The following G3BP2 variants were observed in gnomAD, a reference collection of about 807,000 sequenced individuals.
The protein encoded by G3BP2 is ras GTPase-activating protein-binding protein 2.
A neutral mutation model predicts 56.7 loss-of-function variants in G3BP2; 11 were observed. That is an observed-to-expected ratio of 0.19 (90% CI 0.12 to 0.32). The LOEUF (loss-of-function observed/expected upper bound fraction) is 0.32. Ranked by LOEUF, G3BP2 falls within the 10% of genes least tolerant of loss-of-function variation. G3BP2 has a pLI of 1.00. For synonymous variants in G3BP2, 165 were observed against 191.6 expected (o/e 0.86, Z 1.15); for missense variants, 340 against 610.9 (o/e 0.56, Z 4.67).
intron 1 of G3BP2, among the ~76,000 whole-genome samples, chr4:75,663,476 A>G (rs1383880514): frequency 6.6e-6 from 1 of 152,172 alleles, no homozygotes; most frequent in Non-Finnish European, 1.5e-5. Flanking sequence ...AGGTCTGGCT[A>G]CAATGCCCTG....
At chr4:75,690,745 G>T (rs1257011758) in intron 3 of G3BP2, among the ~76,000 whole-genome samples, 5 of 152,066 alleles carry the variant, frequency 3.3e-5, no homozygotes, top group Non-Finnish European at 7.4e-5. Flanking sequence ...CAAATTTTTT[G>T]TAGAGACAGG....
intron 1 of G3BP2, among the ~76,000 whole-genome samples, chr4:75,723,345 C>A (rs1355484819): frequency 6.6e-6 from 1 of 152,134 alleles, no homozygotes; most frequent in African/African-American, 2.4e-5. Flanking sequence ...TGTTGTTAGT[C>A]TCACCCAAGG....
chr4:75,675,542 C>T (rs188199626), upstream of G3BP2, among the ~76,000 whole-genome samples: 1,354 of 152,268 alleles, frequency 8.9e-3, 21 homozygotes, highest in African/African-American at 0.031. Flanking sequence ...ACTGTAATCC[C>T]AGCACTTTGG....
In G3BP2 at chr4:75,718,694, T is replaced by A. The variant is rs1720024752; in HGVS notation, c.-25+2183A>T. Among the ~76,000 whole-genome samples, 12 of 152,236 alleles carry A rather than the reference T, an allele frequency of 7.9e-5. No homozygotes were observed. In the South Asian group the frequency reaches 2.3e-3, roughly 29 times the overall value. On this transcript the variant is annotated intron_variant, in intron 3 of 3. Transcript: ENST00000499709. ...ATGTGACTCAAGGCCAATCAGAACA[T>A]CTCAAACCTTAAACTACAGGAATTA...
intron 3 of G3BP2, among the ~76,000 whole-genome samples, chr4:75,683,714 G>C (rs1718447261): frequency 6.6e-6 from 1 of 152,174 alleles, no homozygotes. Flanking sequence ...GGCTGTGGAA[G>C]TAAATTACCT....
intron 8 of G3BP2, among the ~76,000 whole-genome samples, chr4:75,650,149 C>G (rs1731560228): frequency 6.6e-6 from 1 of 151,796 alleles, no homozygotes; most frequent in African/African-American, 2.4e-5. Flanking sequence ...AAAATGCTTC[C>G]TTCAGCCAGG....
rs748788122 is a variant in G3BP2, at chr4:75,655,119, A to T, written c.673T>A (p.Ser225Thr). The change falls in exon 7 of 12, where the codon TCT (serine) becomes ACT (threonine). Residue 225 changes from serine (S) to threonine (T), a missense_variant. Coordinates refer to ENST00000359707, the MANE Select transcript of G3BP2 (RefSeq NM_203505.3). Reference sequence around the variant, plus strand: ...GGTTCTGCCGGAGGAGGAGTAGTAGATTTCTCCTCTAGTTCTTCTAAGTTC... The same window carrying T: ...GGTTCTGCCGGAGGAGGAGTAGTAGTTTTCTCCTCTAGTTCTTCTAAGTTC... ...EKNLEELEEK[S>T]TTPPPAEPVS... 6.2e-7 allele frequency: 1 copy of T among 1,613,506 alleles called. No individual in the cohort carries two copies. Among genetic ancestry groups the T allele is most frequent in the East Asian group, 2.2e-5 (1 of 44,852 alleles).
At chr4:75,719,205 G>A (rs1419048409) in intron 3 of G3BP2, among the ~76,000 whole-genome samples, 4 of 151,326 alleles carry the variant, frequency 2.6e-5, no homozygotes, top group African/African-American at 7.3e-5. Context: ...AAAATTAGCC[G>A]GGCTTAGTGG....
intron 3 of G3BP2, among the ~76,000 whole-genome samples, chr4:75,719,560 A>T (rs16996019): frequency 0.35 from 53,310 of 151,734 alleles, 11,152 homozygotes; most frequent in African/African-American, 0.59. Context: ...ATAGCATGTG[A>T]GACACCTCAA....
At chr4:75,681,208 C>T (rs1211492558) in intron 3 of G3BP2, among the ~76,000 whole-genome samples, 2 of 151,070 alleles carry the variant, frequency 1.3e-5, no homozygotes, top group African/African-American at 4.9e-5. Flanking sequence ...CCTGTAGTCC[C>T]AGCTACTCGG....
rs780546429 is a variant in G3BP2 at position 75,645,461 on chromosome 4, A to G, written c.1418T>C (p.Met473Thr). 6 of 1,613,976 alleles carry G rather than the reference A, an allele frequency of 3.7e-6. No homozygotes were observed. In the South Asian group the frequency reaches 5.5e-5, roughly 15 times the overall value. ...ACGCTGTCCTGTGAAGCGGCCCTCC[A>G]TTTGCCCGGTTCCTCTTCCAGAGCC... is the stretch of plus-strand genomic sequence containing the variant. ...KLGSGRGTGQ[M>T]EGRFTGQRR The change falls in exon 12 of 12, where the codon ATG (methionine) becomes ACG (threonine). Residue 473 changes from methionine (M) to threonine (T), a missense_variant. Physicochemically the swap from Met to Thr is moderately conservative, Grantham distance 81. Around this residue, in one of 4 missense-constraint regions of G3BP2, gnomAD observed 94 missense variants for 173.8 expected, o/e 0.54. Transcript: ENST00000359707.
chr4:75,647,501 T>C (rs1284125954), intron 9 of G3BP2, among the ~76,000 whole-genome samples: 1 of 152,116 alleles, frequency 6.6e-6, no homozygotes, highest in African/African-American at 2.4e-5. Context: ...TATAGCTTAC[T>C]AAATATTTGC....
intron 3 of G3BP2, among the ~76,000 whole-genome samples, chr4:75,681,687 A>G (rs1560411213): frequency 6.6e-6 from 1 of 151,560 alleles, no homozygotes; most frequent in Non-Finnish European, 1.5e-5. Context: ...TGTCTCTACT[A>G]AAAATACAAA....
chr4:75,711,493 A>G (rs948316492), intron 3 of G3BP2, among the ~76,000 whole-genome samples: 2 of 151,866 alleles, frequency 1.3e-5, no homozygotes, highest in African/African-American at 4.8e-5. Flanking sequence ...TGGGCGGATC[A>G]CCTGAGGTCA....
At chr4:75,713,825 A>G (rs1291499316) in intron 3 of G3BP2, among the ~76,000 whole-genome samples, 1 of 152,222 alleles carries the variant, frequency 6.6e-6, no homozygotes, top group East Asian at 1.9e-4. Context: ...GGTAACACTA[A>G]TAATGGGAAA....
At chr4:75,655,355 A>G in intron 6 of G3BP2, 109 bp from the exon 7 acceptor site, 1 of 779,708 alleles carries the variant, frequency 1.3e-6, no homozygotes. Context: ...AACTTGTTCT[A>G]GATCTACAAA....
At chr4:75,679,396 C>T (rs1733991430) in intron 3 of G3BP2, among the ~76,000 whole-genome samples, 1 of 152,158 alleles carries the variant, frequency 6.6e-6, no homozygotes, top group African/African-American at 2.4e-5. Flanking sequence ...GCAATCTTTC[C>T]AGCCATTATC....
At chr4:75,682,982 C>CG (rs1553890857) in intron 3 of G3BP2, among the ~76,000 whole-genome samples, 8 of 126,222 alleles carry the variant, frequency 6.3e-5, no homozygotes, top group African/African-American at 2.1e-4. Flanking sequence ...GACTCCGTCT[C>CG]AAAAAAAAAA....
chr4:75,671,647 C>T (rs1733497729), intron 1 of G3BP2, among the ~76,000 whole-genome samples: 1 of 152,232 alleles, frequency 6.6e-6, no homozygotes, highest in South Asian at 2.1e-4. Context: ...GTAAGAAATT[C>T]ATTCTAGGTC....
Sources: gnomAD v4.1 joint callset for allele counts (sites outside exome capture counted in the v4.1 genomes callset) on GRCh38, gnomAD v4.1.1 for gene constraint, gnomAD v4.1.1 regional missense constraint, MANE v1.5 for transcripts, NCBI Gene and HGNC (gene_info 2026-07-23, HGNC 2026-07-21) for gene names.